RANBP17: variants seen among roughly 807,000 people sequenced by gnomAD.
The protein encoded by RANBP17 is ran-binding protein 17.
RANBP17 carries 158 observed loss-of-function variants against 141.2 expected under a neutral mutation model. The observed-to-expected ratio is 1.12, with a 90% CI of 0.98 to 1.28. The LOEUF is 1.28. Ranked by LOEUF, RANBP17 falls within the 50% of genes most tolerant of loss-of-function variation. The pLI is 0.00. For missense variants in RANBP17, 1,438 were observed against 1,290.7 expected, an observed-to-expected ratio of 1.11 and a Z score of -1.75; for synonymous variants, 430 against 450.0, an observed-to-expected ratio of 0.96 and a Z score of 0.56.
chr5:171,039,083 T>TTA (rs1782072855), intron 14 of RANBP17, among the ~76,000 whole-genome samples: 1 of 152,086 alleles, frequency 6.6e-6, no homozygotes, highest in African/African-American at 2.4e-5. Context: ...TTTCTTTTGG[T>TTA]TATATACCCA....
chr5:170,931,929 T>A (rs1054632508), intron 12 of RANBP17, among the ~76,000 whole-genome samples: 1 of 152,218 alleles, frequency 6.6e-6, no homozygotes, highest in Non-Finnish European at 1.5e-5. Flanking sequence ...AGTAGTTTTT[T>A]CCTATTCTGT....
chr5:171,123,187 C>T (rs1029356721), intron 14 of RANBP17, among the ~76,000 whole-genome samples: 6 of 152,154 alleles, frequency 3.9e-5, no homozygotes, highest in African/African-American at 7.2e-5. Flanking sequence ...GAGATTGACC[C>T]ACCAGAGCTA....
chr5:171,171,539 C>T (rs755966497), intron 16 of RANBP17, among the ~76,000 whole-genome samples: 20 of 151,946 alleles, frequency 1.3e-4, no homozygotes, highest in Non-Finnish European at 2.7e-4. Flanking sequence ...TATATTTATA[C>T]TCACCCAGGC....
intron 21 of RANBP17, among the ~76,000 whole-genome samples, chr5:171,216,719 G>C (rs1581045281): frequency 6.6e-6 from 1 of 152,014 alleles, no homozygotes; most frequent in South Asian, 2.1e-4. Context: ...CCTGTCTATT[G>C]TTGGTATATA....
At chr5:170,877,258 A>C (rs1768258950) in intron 1 of RANBP17, among the ~76,000 whole-genome samples, 1 of 151,558 alleles carries the variant, frequency 6.6e-6, no homozygotes, top group Admixed American at 6.6e-5. Flanking sequence ...AAATCAACAT[A>C]TAATAAAAAT....
rs769871929 is a variant in RANBP17 at position 170,916,469 on chromosome 5, TTTCATGTTTAG to T, written c.844_854del (p.Cys282ValfsTer10). On this transcript the variant is annotated frameshift_variant, in exon 9 of 28. Coordinates refer to ENST00000523189, the MANE Select transcript of RANBP17 (RefSeq NM_022897.5). LOFTEE classifies it high-confidence loss of function. ...AATTTTTTTGGTATTTTTTAGGCAC[TTTCATGTTTAG>T]TTCAGTTTGCTTCGACAAGAAGGTC... The T allele has an allele frequency of 6.5e-7, 1 of 1,543,848 alleles. No individual in the cohort carries two copies. The highest frequency in any genetic ancestry group is 1.4e-5 in the African/African-American group (1 of 72,530).
At chr5:170,875,023 G>A (rs1188691717) in intron 1 of RANBP17, among the ~76,000 whole-genome samples, 1 of 152,086 alleles carries the variant, frequency 6.6e-6, no homozygotes, top group Non-Finnish European at 1.5e-5. Context: ...GGCAGGCCTG[G>A]TGGTGACAAA....
intron 14 of RANBP17, among the ~76,000 whole-genome samples, chr5:170,981,128 C>G (rs919195024): frequency 6.6e-6 from 1 of 152,150 alleles, no homozygotes; most frequent in Non-Finnish European, 1.5e-5. Context: ...CAATGTCTCC[C>G]ATTTGGAATG....
Position 171,162,953 on chromosome 5 carries a change from A to G in RANBP17, c.1711-7177A>G, listed in dbSNP as rs188545993. Among the ~76,000 whole-genome samples, 414 of 152,324 alleles carry G rather than the reference A, an allele frequency of 2.7e-3. 1 individual carries two copies. Among genetic ancestry groups the G allele is most frequent in the Non-Finnish European group, 3.8e-3 (260 of 68,010 alleles). On this transcript the variant is annotated intron_variant, in intron 14 of 27. Transcript: ENST00000523189. ...GCCTCTTAAGAGATTTGTTAGGTAC[A>G]TGTGCCCTTAGCAAGATGGCCACCA...
intron 14 of RANBP17, among the ~76,000 whole-genome samples, chr5:171,089,404 G>C (rs949112811): frequency 1.3e-5 from 2 of 151,714 alleles, no homozygotes; most frequent in African/African-American, 4.8e-5. Flanking sequence ...GGTTACTGCT[G>C]TCTTTTTGTT....
At chr5:171,071,984 A>T (rs1164228296) in intron 14 of RANBP17, among the ~76,000 whole-genome samples, 3 of 152,136 alleles carry the variant, frequency 2.0e-5, no homozygotes, top group Non-Finnish European at 2.9e-5. Flanking sequence ...GGAAATTCCA[A>T]GTCCAGCAAG....
chr5:171,117,818 A>G (rs961831467), intron 14 of RANBP17, among the ~76,000 whole-genome samples: 6 of 143,034 alleles, frequency 4.2e-5, no homozygotes, highest in African/African-American at 1.5e-4. Flanking sequence ...TAATTGGATT[A>G]TATGTGGGGT....
intron 22 of RANBP17, among the ~76,000 whole-genome samples, chr5:171,229,205 T>C (rs1260839913): frequency 2.6e-5 from 4 of 152,190 alleles, no homozygotes; most frequent in African/African-American, 9.7e-5. Context: ...AGGCATATAA[T>C]AACAAAGTAG....
intron 14 of RANBP17, among the ~76,000 whole-genome samples, chr5:171,035,737 G>GT (rs781327156): frequency 0.027 from 2,541 of 95,386 alleles, 28 homozygotes; most frequent in African/African-American, 0.031. Context: ...TTCTTTTTTT[G>GT]TTTTTTTTTT....
At chr5:170,994,287 A>G (rs1778687684) in intron 14 of RANBP17, among the ~76,000 whole-genome samples, 1 of 152,050 alleles carries the variant, frequency 6.6e-6, no homozygotes, top group Non-Finnish European at 1.5e-5. Flanking sequence ...AATTGGTAGA[A>G]AATTAGAGGT....
At chr5:171,279,556 G>A (rs547618923) in intron 25 of RANBP17, among the ~76,000 whole-genome samples, 18 of 152,228 alleles carry the variant, frequency 1.2e-4, no homozygotes, top group South Asian at 4.1e-4. Context: ...ACCTCTTAAC[G>A]CTGTTGCATT....
intron 13 of RANBP17, among the ~76,000 whole-genome samples, chr5:170,962,839 G>GA (rs1776249119): frequency 1.3e-5 from 2 of 152,086 alleles, no homozygotes; most frequent in Admixed American, 6.5e-5. Context: ...ATAAATATAG[G>GA]AAATAATCAC....
intron 14 of RANBP17, among the ~76,000 whole-genome samples, chr5:170,982,512 A>G (rs1457264351): frequency 6.6e-6 from 1 of 152,230 alleles, no homozygotes; most frequent in African/African-American, 2.4e-5. Context: ...GAATTAAGAC[A>G]TGATAGAAGA....
At chr5:171,293,694 G>A (rs933845075) in intron 25 of RANBP17, among the ~76,000 whole-genome samples, 189 bp from the exon 26 acceptor site, 4 of 152,228 alleles carry the variant, frequency 2.6e-5, no homozygotes, top group African/African-American at 9.6e-5. Context: ...CAGGGAGCTA[G>A]CTGGGGGTCT....
Sources: gnomAD v4.1 joint callset for allele counts (sites outside exome capture counted in the v4.1 genomes callset) on GRCh38, gnomAD v4.1.1 for gene constraint, MANE v1.5 for transcripts, NCBI Gene and HGNC (gene_info 2026-07-23, HGNC 2026-07-21) for gene names.